The following MEGF8 variants were observed in gnomAD, a reference collection of about 807,000 sequenced individuals.
MEGF8 encodes the protein multiple EGF like domains 8.
MEGF8 carries 156 observed loss-of-function variants against 302.9 expected under a neutral mutation model. The observed-to-expected ratio is 0.52, with a 90% confidence interval of 0.45 to 0.59. The LOEUF is 0.59. MEGF8 is among the 20% of genes least tolerant of loss of function. The probability of loss-of-function intolerance (pLI) is 0.00; values close to 1 mark genes in which losing one functional copy is unlikely to be tolerated. For missense variants in MEGF8, 3,345 were observed against 3,964.5 expected (o/e 0.84, Z 4.20); for synonymous variants, 1,621 against 1,660.5 (o/e 0.98, Z 0.58).
At chr19:42,337,411 G>A (rs911294869) in intron 8 of MEGF8, among the ~76,000 whole-genome samples, 1 of 152,184 alleles carries the variant, frequency 6.6e-6, no homozygotes, top group African/African-American at 2.4e-5. Context: ...AGTATCCAAT[G>A]TGGGTTCCAA....
intron 38 of MEGF8, 70 bp from the exon 39 acceptor site, chr19:42,370,119 T>A: frequency 6.6e-7 from 1 of 1,506,148 alleles, no homozygotes; most frequent in Non-Finnish European, 8.9e-7. Context: ...AACCTGCCCC[T>A]GTGCCCCCAA....
chr19:42,335,955 G>T lies in MEGF8; in HGVS notation c.853G>T (p.Val285Leu). Residue 285 changes from valine to leucine, a missense_variant, in exon 6 of 42, where the codon GTG becomes TTG. Transcript: ENST00000251268. ...APAARHSHVA[V>L]AWAGSLVLMG... ...GGCTGCCCGTCACTCCCATGTGGCC[G>T]TGGCCTGGGCCGGCTCCCTGGTACT... 6.7e-7 allele frequency: 1 copy of T among 1,492,194 alleles called. No individual in the cohort carries two copies. The allele number at this position is 1,492,194 out of a possible 1,614,324, so 92.4% of individuals were successfully genotyped here. A position where few individuals can be genotyped will look rare whatever the true frequency, so the allele number is the denominator to read the frequency against.
intron 9 of MEGF8, 74 bp from the exon 10 acceptor site, chr19:42,343,880 G>A: frequency 1.3e-6 from 2 of 1,544,086 alleles, no homozygotes; most frequent in Non-Finnish European, 1.7e-6. Context: ...GGGGACTTGG[G>A]AGGCCGGCCC....
In MEGF8 at chr19:42,354,722, T is replaced by TC. The variant is rs771219882; in HGVS notation, c.4144+2_4144+3insC. 1.9e-6 allele frequency: 3 copies of TC among 1,598,134 alleles called. No homozygotes were observed. The highest frequency in any genetic ancestry group is 2.6e-6 in the Non-Finnish European group (3 of 1,173,968). ...CCCTCACTGTTCAGGCCCTGTCTGG[T>TC]ACGGGGGCTAGGGGAAGTGGGACCT... On this transcript the variant is annotated splice_region_variant and intron_variant, in intron 23 of 41. Coordinates refer to ENST00000251268, the MANE Select transcript of MEGF8 (RefSeq NM_001271938.2). The surrounding 1 kb of genome is among the most constrained non-coding windows in gnomAD (Gnocchi z 4.3).
rs189695599 is a variant in MEGF8, at chr19:42,354,369, C to T, written c.4012-219C>T. 1.3e-5 allele frequency among the ~76,000 whole-genome samples: 2 copies of T among 152,220 alleles called. No individual in the cohort carries two copies. The highest frequency in any genetic ancestry group is 4.8e-5 in the African/African-American group (2 of 41,536). On this transcript the variant is annotated intron_variant, in intron 22 of 41. Coordinates refer to ENST00000251268, the MANE Select transcript of MEGF8 (RefSeq NM_001271938.2). This position sits in a 1 kb window ranked among gnomAD's most constrained non-coding sequence, Gnocchi z 4.3. ...CAGGAGCTGCATGTTGAGAAAGGGG[C>T]TCAATGCAAGAGTGCCTGATAGATG... is the stretch of plus-strand genomic sequence containing the variant.
intron 1 of MEGF8, among the ~76,000 whole-genome samples, chr19:42,333,221 G>T (rs1201985360): frequency 2.6e-5 from 4 of 152,198 alleles, no homozygotes; most frequent in Non-Finnish European, 5.9e-5. Flanking sequence ...GCCTGGACAT[G>T]TCTGAAACTC....
intron 12 of MEGF8, among the ~76,000 whole-genome samples, chr19:42,346,206 T>C (rs2039286675): frequency 6.6e-6 from 1 of 152,232 alleles, no homozygotes; most frequent in African/African-American, 2.4e-5. Flanking sequence ...GGCCTCTTTA[T>C]TGATTTTAAA....
chr19:42,337,627 C>T (rs566830731), intron 8 of MEGF8, among the ~76,000 whole-genome samples: 31 of 151,006 alleles, frequency 2.1e-4, no homozygotes, highest in African/African-American at 7.6e-4. Flanking sequence ...CTGCCTCAGC[C>T]TCCTGCATCG....
Position 42,349,599 on chromosome 19 carries a change from A to G in MEGF8, c.2399A>G (p.Lys800Arg), listed in dbSNP as rs944050655. Residue 800 changes from lysine (K) to arginine (R), a missense_variant, in exon 14 of 42, where the codon AAG becomes AGG. Lys to Arg is a conservative substitution (Grantham distance 26). Coordinates refer to ENST00000251268, the MANE Select transcript of MEGF8 (RefSeq NM_001271938.2). ...TTCCCTCTGCCTGGGCGGGACCACA[A>G]GTATGCAGTAGAGATCCAGGGCCAG... ...RLFPLPGRDH[K>R]YAVEIQGQLN... 6.2e-7 allele frequency: 1 copy of G among 1,611,934 alleles called. No homozygotes were observed. Among genetic ancestry groups the G allele is most frequent in the Non-Finnish European group, 8.5e-7 (1 of 1,179,810 alleles).
chr19:42,335,001 T>A, intron 3 of MEGF8, 34 bp from the exon 4 acceptor site: 1 of 1,581,150 alleles, frequency 6.3e-7, no homozygotes, highest in Non-Finnish European at 8.6e-7. Flanking sequence ...TCTCTCCCTC[T>A]CTTATCTCTG....
intron 15 of MEGF8, among the ~76,000 whole-genome samples, chr19:42,350,637 C>T (rs973870459): frequency 2.0e-5 from 3 of 152,180 alleles, no homozygotes; most frequent in Admixed American, 1.3e-4. Flanking sequence ...TCAGCATAGG[C>T]ACTGGAGCCC....
At chr19:42,347,318 T>C (rs907010492) in intron 12 of MEGF8, among the ~76,000 whole-genome samples, 23 of 148,114 alleles carry the variant, frequency 1.6e-4, no homozygotes, top group Admixed American at 1.5e-3. Context: ...TCTCATTCTT[T>C]TTTTTTTTTT....
At chr19:42,350,856 A>T (rs2039358970) in intron 15 of MEGF8, among the ~76,000 whole-genome samples, 1 of 152,084 alleles carries the variant, frequency 6.6e-6, no homozygotes, top group Admixed American at 6.5e-5. Context: ...AGCTCAACAG[A>T]AGTCCCAGAA....
In MEGF8 at chr19:42,336,852, G is replaced by T. The variant is rs1463955243; in HGVS notation, c.1290G>T (p.Arg430=). 6.2e-7 allele frequency: 1 copy of T among 1,610,552 alleles called. No homozygotes were observed. The highest frequency in any genetic ancestry group is 1.7e-5 in the Admixed American group (1 of 58,902). The change falls in exon 7 of 42, where the codon CGG becomes CGT. Residue 430 remains arginine (R), a synonymous_variant. Coordinates refer to ENST00000251268, the MANE Select transcript of MEGF8 (RefSeq NM_001271938.2). This position sits in a 1 kb window ranked among gnomAD's most constrained non-coding sequence, Gnocchi z 4.8. ...VNSTELFHVD[R]HVWTTLKGRD... ...CCACTGAGCTTTTCCACGTGGATCG[G>T]CATGTGTGGACGACGCTGAAGGGGC...
intron 35 of MEGF8, among the ~76,000 whole-genome samples, chr19:42,366,077 G>A (rs865817590): frequency 6.6e-5 from 10 of 152,048 alleles, no homozygotes; most frequent in African/African-American, 1.2e-4. Flanking sequence ...GTGAGACTCC[G>A]TCTAAAGAAA....
chr19:42,361,097 T>C (rs1019098293), intron 32 of MEGF8, 91 bp downstream of exon 32: 51 of 1,337,186 alleles, frequency 3.8e-5, no homozygotes, highest in Non-Finnish European at 3.1e-5. Flanking sequence ...GCCTCAGGAG[T>C]ATACCGTCTG....
intron 35 of MEGF8, among the ~76,000 whole-genome samples, chr19:42,365,636 G>C (rs1324008063): frequency 6.6e-6 from 1 of 151,374 alleles, no homozygotes; most frequent in Non-Finnish European, 1.5e-5. Context: ...GCCAGGCATA[G>C]TGGTGTGTGT....
rs769198239 is a variant in MEGF8, at chr19:42,351,162, T to C, written c.2737-54T>C. ...CAGGGGGTGGGATGGGCACTGGGAG[T>C]CCAAAGGAAAGGGCTGAGTGGGGTT... On this transcript the variant is annotated intron_variant, in intron 15 of 41. Transcript: ENST00000251268. This position sits in a 1 kb window ranked among gnomAD's most constrained non-coding sequence, Gnocchi z 5.6. 6.8e-7 allele frequency: 1 copy of C among 1,478,260 alleles called. No individual in the cohort carries two copies. Among genetic ancestry groups the C allele is most frequent in the South Asian group, 1.2e-5 (1 of 80,424 alleles). 91.6% of individuals were successfully genotyped at this position (1,478,260 alleles called of 1,614,324 possible).
Position 42,376,509 on chromosome 19 carries a change from G to A in MEGF8, c.8272G>A (p.Ala2758Thr), listed in dbSNP as rs781408938. 2.5e-6 allele frequency: 4 copies of A among 1,581,516 alleles called. No individual in the cohort carries two copies. Among genetic ancestry groups the A allele is most frequent in the Middle Eastern group, 1.7e-4 (1 of 6,020 alleles). ...GGGCCPPAIPATTAGLRAGPI... is the reference protein window; with the variant it reads ...GGGCCPPAIPTTTAGLRAGPI... ...GGGCTGCTGCCCACCAGCCATCCCC[G>A]CCACCACTGCTGGGCTGCGAGCTGG... Residue 2758 changes from alanine to threonine, a missense_variant, in exon 42 of 42, where the codon GCC (alanine) becomes ACC (threonine). By Grantham distance (58) the Ala-to-Thr change is moderately conservative. Transcript: ENST00000251268. The surrounding 1 kb of genome is among the most constrained non-coding windows in gnomAD (Gnocchi z 8.2).
Sources: gnomAD v4.1 joint callset for allele counts (sites outside exome capture counted in the v4.1 genomes callset) on GRCh38, gnomAD v4.1.1 for gene constraint, Gnocchi (gnomAD v3.1) non-coding constraint, MANE v1.5 for transcripts, NCBI Gene and HGNC (gene_info 2026-07-23, HGNC 2026-07-21) for gene names.